The following VPS13B variants were observed in gnomAD, a reference collection of about 807,000 sequenced individuals.
VPS13B encodes the protein vacuolar protein sorting 13 homolog B.
In VPS13B, 285 loss-of-function variants were observed where a neutral mutation model predicts 426.4. The ratio of observed to expected loss-of-function variants is 0.67; its 90% CI spans 0.61 to 0.74. The LOEUF is 0.74. Ranked by LOEUF, VPS13B falls within the 30% of genes least tolerant of loss-of-function variation. The pLI is 0.00. For synonymous variants in VPS13B, 1,676 were observed against 1,676.4 expected (o/e 1.00, Z 0.01); for missense variants, 4,537 against 4,782.6 (o/e 0.95, Z 1.51).
At chr8:99,824,616 T>C (rs1435150172) in intron 51 of VPS13B, among the ~76,000 whole-genome samples, 4 of 152,038 alleles carry the variant, frequency 2.6e-5, no homozygotes, top group Non-Finnish European at 5.9e-5. Context: ...TTAATTATAC[T>C]TTTAAGTTCT....
At chr8:99,044,899 C>CACACA (rs1843149766) in intron 3 of VPS13B, among the ~76,000 whole-genome samples, 2 of 145,358 alleles carry the variant, frequency 1.4e-5, no homozygotes, top group South Asian at 2.2e-4. Context: ...CACACACACA[C>CACACA]CACCCCCCGC....
intron 17 of VPS13B, among the ~76,000 whole-genome samples, chr8:99,212,628 C>T (rs1156319487): frequency 6.6e-6 from 1 of 152,002 alleles, no homozygotes; most frequent in Non-Finnish European, 1.5e-5. Context: ...CTCTGCATTA[C>T]CATATGATTT....
Position 99,085,024 on chromosome 8 carries a change from C to T in VPS13B, c.292-11288C>T, listed in dbSNP as rs905003315. ...TGGATATCCTTGTTAATTTCTGTCT[C>T]GTTGATCTGTGTGATGTTGACAGTG... On this transcript the variant is annotated intron_variant, in intron 3 of 61. Coordinates refer to ENST00000357162, the MANE Select transcript of VPS13B (RefSeq NM_152564.5). 5.3e-5 allele frequency among the ~76,000 whole-genome samples: 8 copies of T among 151,948 alleles called. No individual in the cohort carries two copies. In the East Asian group the frequency reaches 7.7e-4, roughly 15 times the overall value.
chr8:99,280,276 A>G (rs1445393334), intron 19 of VPS13B, among the ~76,000 whole-genome samples: 2 of 151,960 alleles, frequency 1.3e-5, no homozygotes, highest in Non-Finnish European at 2.9e-5. Context: ...TCTCAGCTCA[A>G]CTACTGTTTC....
At chr8:99,386,123 T>C (rs1814108912) in intron 20 of VPS13B, among the ~76,000 whole-genome samples, 1 of 152,144 alleles carries the variant, frequency 6.6e-6, no homozygotes, top group Admixed American at 6.5e-5. Flanking sequence ...ATAATTTTCA[T>C]TGTAAATTCT....
intron 3 of VPS13B, chr8:99,091,973 T>G (rs1846173636): frequency 1.3e-5 from 2 of 152,242 alleles, no homozygotes; most frequent in Admixed American, 6.5e-5. Flanking sequence ...CATCTTAACC[T>G]CTTGCTCTGT....
chr8:99,209,095 A>G (rs1051867947), intron 17 of VPS13B, among the ~76,000 whole-genome samples: 11 of 152,136 alleles, frequency 7.2e-5, no homozygotes, highest in Non-Finnish European at 2.9e-5. Flanking sequence ...CCTGGCCAAC[A>G]TGCTAAAACC....
chr8:99,426,076 C>T (rs1816689615), intron 21 of VPS13B, among the ~76,000 whole-genome samples: 1 of 131,050 alleles, frequency 7.6e-6, no homozygotes, highest in Non-Finnish European at 1.6e-5. Context: ...CCCCACCCCA[C>T]CACAGTCCCC....
In VPS13B at chr8:99,481,528, AT is replaced by A. The variant is rs564887882; in HGVS notation, c.3667-69del. 282 of 1,471,672 alleles carry A rather than the reference AT, an allele frequency of 1.9e-4. No homozygotes were observed. The African/African-American group carries it at 3.7e-3, about 19-fold the overall frequency. 91.2% of individuals were successfully genotyped at this position (1,471,672 alleles called of 1,614,324 possible). A position where few individuals can be genotyped will look rare whatever the true frequency, so the allele number is the denominator to read the frequency against. On this transcript the variant is annotated intron_variant, in intron 24 of 61. Coordinates refer to ENST00000357162, the MANE Select transcript of VPS13B (RefSeq NM_152564.5). Reference sequence around the variant, plus strand: ...TCTCTGGAATAGTTAATTTTCTCATATTATTATTTTAGTGGATTGAAACTGG... The same window carrying A: ...TCTCTGGAATAGTTAATTTTCTCATATATTATTTTAGTGGATTGAAACTGG...
chr8:99,143,997 A>G (rs901897842), intron 13 of VPS13B, among the ~76,000 whole-genome samples: 2 of 152,156 alleles, frequency 1.3e-5, no homozygotes, highest in African/African-American at 2.4e-5. Flanking sequence ...GGAAAAGAGC[A>G]TGCCTTCCTT....
chr8:99,411,180 A>G (rs556342266), intron 21 of VPS13B, among the ~76,000 whole-genome samples: 7 of 152,300 alleles, frequency 4.6e-5, no homozygotes, highest in South Asian at 4.1e-4. Context: ...ACTCCCATCA[A>G]TGGTGTAAAG....
At chr8:99,743,462 G>GA (rs1467586804) in intron 39 of VPS13B, among the ~76,000 whole-genome samples, 1 of 151,884 alleles carries the variant, frequency 6.6e-6, no homozygotes, top group Non-Finnish European at 1.5e-5. Flanking sequence ...CACAGAATTG[G>GA]AAAAAACTAC....
At chr8:99,573,897 G>A (rs986512207) in intron 31 of VPS13B, among the ~76,000 whole-genome samples, 1 of 152,120 alleles carries the variant, frequency 6.6e-6, no homozygotes, top group Non-Finnish European at 1.5e-5. Flanking sequence ...GGGCAGTATG[G>A]CCATTTTCAT....
intron 3 of VPS13B, 62 bp from the exon 4 acceptor site, chr8:99,096,250 T>A (rs1018799082): frequency 6.5e-5 from 104 of 1,593,552 alleles, no homozygotes; most frequent in Non-Finnish European, 8.8e-5. Context: ...TTAAAAAATT[T>A]TTTTTCTTAA....
intron 31 of VPS13B, among the ~76,000 whole-genome samples, chr8:99,573,467 A>G (rs542118514): frequency 3.9e-5 from 6 of 152,266 alleles, no homozygotes; most frequent in South Asian, 2.1e-4. Context: ...ATCTTGAATT[A>G]ATTTTTGTAT....
intron 2 of VPS13B, among the ~76,000 whole-genome samples, chr8:99,028,818 C>T (rs1842318186): frequency 1.2e-5 from 1 of 83,284 alleles, no homozygotes. Context: ...CCTCACCTCC[C>T]AGATGGGGCG....
At chr8:99,287,276 A>G (rs1209981764) in intron 19 of VPS13B, among the ~76,000 whole-genome samples, 2 of 139,756 alleles carry the variant, frequency 1.4e-5, no homozygotes, top group South Asian at 2.2e-4. Context: ...CTATCTATCT[A>G]TCTATCTATC....
chr8:99,309,020 A>G (rs1820801960), intron 19 of VPS13B, among the ~76,000 whole-genome samples: 1 of 151,934 alleles, frequency 6.6e-6, no homozygotes, highest in African/African-American at 2.4e-5. Flanking sequence ...CCACATTTTG[A>G]TGGAGTTGTT....
chr8:99,025,296 T>C (rs2132165701), intron 2 of VPS13B, among the ~76,000 whole-genome samples: 1 of 152,288 alleles, frequency 6.6e-6, no homozygotes, highest in African/African-American at 2.4e-5. Flanking sequence ...CCTTGCTTAA[T>C]TACTCTGGCT....
Sources: allele counts gnomAD v4.1 joint callset (sites outside exome capture counted in the v4.1 genomes callset), GRCh38; gene constraint gnomAD v4.1.1; transcripts MANE v1.5; gene names NCBI Gene and HGNC (gene_info 2026-07-23, HGNC 2026-07-21).